Variants in EXOC6B observed in about 807,000 individuals in gnomAD.
EXOC6B encodes the protein SEC15 homolog B.
In EXOC6B, 54 loss-of-function variants were observed where a neutral mutation model predicts 113.5. The ratio of observed to expected loss-of-function variants is 0.48; its 90% CI spans 0.38 to 0.60. EXOC6B has a LOEUF of 0.60. Among genes scored for constraint, EXOC6B ranks in the 20% least tolerant of loss-of-function variants. The pLI is 0.00. For missense variants in EXOC6B, 797 were observed against 977.5 expected, an observed-to-expected ratio of 0.82 and a Z score of 2.46; for synonymous variants, 357 against 339.0, an observed-to-expected ratio of 1.05 and a Z score of -0.58.
chr2:72,769,945 A>C (rs902855350), intron 1 of EXOC6B, among the ~76,000 whole-genome samples: 2 of 152,228 alleles, frequency 1.3e-5, no homozygotes, highest in Non-Finnish European at 2.9e-5. Context: ...ATTGAACACC[A>C]GAAGACAAGA....
intron 20 of EXOC6B, among the ~76,000 whole-genome samples, chr2:72,253,876 T>A (rs768466261): frequency 6.6e-6 from 1 of 152,174 alleles, no homozygotes; most frequent in African/African-American, 2.4e-5. Flanking sequence ...AAAAGATATG[T>A]TCGGCTGGGC....
chr2:72,467,135 GT>G (rs1159019557), intron 17 of EXOC6B, among the ~76,000 whole-genome samples: 1 of 152,134 alleles, frequency 6.6e-6, no homozygotes, highest in African/African-American at 2.4e-5. Context: ...TCTCCATGAG[GT>G]TTCCATGCTG....
chr2:72,260,793 A>C (rs1450423510), intron 20 of EXOC6B, among the ~76,000 whole-genome samples: 1 of 152,186 alleles, frequency 6.6e-6, no homozygotes, highest in Non-Finnish European at 1.5e-5. Context: ...ATTCCTATTA[A>C]AGAGACTATC....
At chr2:72,559,738 C>T (rs1703780144) in intron 7 of EXOC6B, among the ~76,000 whole-genome samples, 1 of 152,130 alleles carries the variant, frequency 6.6e-6, no homozygotes, top group Non-Finnish European at 1.5e-5. Flanking sequence ...CCAAGGCTGG[C>T]ACAAAGCCCA....
At chr2:72,238,113 G>A (rs1239807036) in intron 20 of EXOC6B, among the ~76,000 whole-genome samples, 3 of 151,988 alleles carry the variant, frequency 2.0e-5, no homozygotes, top group Non-Finnish European at 4.4e-5. Context: ...CTCTACTTCT[G>A]TCTCTATAGA....
At chr2:72,187,503 G>A (rs902473959) in intron 20 of EXOC6B, among the ~76,000 whole-genome samples, 10 of 152,070 alleles carry the variant, frequency 6.6e-5, no homozygotes, top group African/African-American at 2.4e-4. Flanking sequence ...ACAGTGGGAA[G>A]CTCCTCTCAG....
Position 72,715,965 on chromosome 2 carries a change from A to G in EXOC6B, c.669+2138T>C, listed in dbSNP as rs190889820. 1.3e-3 allele frequency among the ~76,000 whole-genome samples: 193 copies of G among 152,296 alleles called. 1 individual carries two copies. Among genetic ancestry groups the G allele is most frequent in the African/African-American group, 4.5e-3 (187 of 41,554 alleles). ...TGTATGAGAGAAAGAATGAAAAGATATTTGATGACCAGAAGGTAGACTGTG... is the reference window on the plus strand; with the variant it reads ...TGTATGAGAGAAAGAATGAAAAGATGTTTGATGACCAGAAGGTAGACTGTG... On this transcript the variant is annotated intron_variant, in intron 6 of 21. Transcript: ENST00000272427.
intron 8 of EXOC6B, among the ~76,000 whole-genome samples, chr2:72,540,267 T>A (rs868642220): frequency 1.3e-5 from 2 of 152,248 alleles, no homozygotes; most frequent in Middle Eastern, 6.8e-3. Flanking sequence ...CGTGTGCATG[T>A]GTCTTTATAG....
intron 6 of EXOC6B, among the ~76,000 whole-genome samples, chr2:72,643,882 G>A (rs180827029): frequency 2.9e-3 from 437 of 151,708 alleles, no homozygotes; most frequent in Non-Finnish European, 4.7e-3. Context: ...AAAACAGAGC[G>A]CCTCTTCTCC....
At chr2:72,694,354 A>G (rs189446168) in intron 6 of EXOC6B, among the ~76,000 whole-genome samples, 1 of 152,186 alleles carries the variant, frequency 6.6e-6, no homozygotes, top group South Asian at 2.1e-4. Flanking sequence ...AGGCAGGAGA[A>G]TCGCTTGACC....
intron 18 of EXOC6B, among the ~76,000 whole-genome samples, chr2:72,401,059 G>A (rs1693114654): frequency 6.6e-6 from 1 of 151,730 alleles, no homozygotes; most frequent in Non-Finnish European, 1.5e-5. Context: ...ATCAACAGAA[G>A]GTTGGACAAA....
chr2:72,694,556 T>A (rs376609241), intron 6 of EXOC6B, among the ~76,000 whole-genome samples: 4 of 152,214 alleles, frequency 2.6e-5, no homozygotes, highest in Admixed American at 2.6e-4. Context: ...TGGTCCAAGT[T>A]AGATTTTTAA....
intron 1 of EXOC6B, among the ~76,000 whole-genome samples, chr2:72,776,920 C>T (rs1683738577): frequency 6.6e-6 from 1 of 152,056 alleles, no homozygotes; most frequent in African/African-American, 2.4e-5. Context: ...AACATCCACA[C>T]CAAGGCACAT....
chr2:72,479,862 C>G (rs1047443937), intron 17 of EXOC6B, among the ~76,000 whole-genome samples: 6 of 152,084 alleles, frequency 3.9e-5, no homozygotes, highest in African/African-American at 1.2e-4. Flanking sequence ...AAATTGCTAA[C>G]TGGAAAAGCA....
intron 1 of EXOC6B, among the ~76,000 whole-genome samples, chr2:72,769,089 A>G (rs1254911672): frequency 6.6e-6 from 1 of 152,156 alleles, no homozygotes; most frequent in African/African-American, 2.4e-5. Context: ...ACACTTAAAA[A>G]TGGTTAAAAT....
chr2:72,783,084 C>A (rs1168289632), intron 1 of EXOC6B, among the ~76,000 whole-genome samples: 1 of 152,042 alleles, frequency 6.6e-6, no homozygotes, highest in Non-Finnish European at 1.5e-5. Context: ...TTTTGAGAAA[C>A]CTCCATACTG....
intron 20 of EXOC6B, among the ~76,000 whole-genome samples, chr2:72,316,959 G>C (rs982389526): frequency 6.6e-6 from 1 of 152,186 alleles, no homozygotes. Context: ...GCAGCCTAAA[G>C]CTTACCCAGC....
intron 20 of EXOC6B, among the ~76,000 whole-genome samples, chr2:72,292,125 T>C (rs538266857): frequency 1.3e-5 from 2 of 151,982 alleles, no homozygotes; most frequent in East Asian, 3.9e-4. Context: ...CCTGATTCCA[T>C]AGGTATCTGA....
At chr2:72,624,837 T>C (rs931900083) in intron 6 of EXOC6B, among the ~76,000 whole-genome samples, 1 of 152,176 alleles carries the variant, frequency 6.6e-6, no homozygotes, top group Admixed American at 6.5e-5. Context: ...ACATGTTATC[T>C]TATTTAATTT....
Sources: allele counts gnomAD v4.1 joint callset (sites outside exome capture counted in the v4.1 genomes callset), GRCh38; gene constraint gnomAD v4.1.1; transcripts MANE v1.5; gene names NCBI Gene and HGNC (gene_info 2026-07-23, HGNC 2026-07-21).